Variants in SLC44A5 observed in about 807,000 individuals in gnomAD.
The protein encoded by SLC44A5 is choline transporter-like protein 5.
Under a neutral mutation model 101.8 loss-of-function variants are expected in SLC44A5, and 57 were observed. The ratio of observed to expected loss-of-function variants is 0.56; its 90% CI spans 0.45 to 0.70. SLC44A5 has a LOEUF of 0.70. Among genes scored for constraint, SLC44A5 ranks in the 30% least tolerant of loss-of-function variants. SLC44A5 has a pLI of 0.00. For missense variants in SLC44A5, 737 were observed against 853.1 expected, an observed-to-expected ratio of 0.86 and a Z score of 1.70; for synonymous variants, 281 against 290.9, an observed-to-expected ratio of 0.97 and a Z score of 0.35.
intron 1 of SLC44A5, among the ~76,000 whole-genome samples, chr1:75,608,416 G>C (rs1226287083): frequency 1.3e-5 from 2 of 151,618 alleles, no homozygotes; most frequent in Admixed American, 6.6e-5. Context: ...AAGAGTTATT[G>C]CAAAAGATTC....
At chr1:75,499,751 T>C (rs1340242332) in intron 2 of SLC44A5, among the ~76,000 whole-genome samples, 1 of 152,162 alleles carries the variant, frequency 6.6e-6, no homozygotes, top group Non-Finnish European at 1.5e-5. Context: ...GTGAACACAC[T>C]CAGTTCTTTG....
At chr1:75,584,656 G>A (rs1468670417) in intron 1 of SLC44A5, among the ~76,000 whole-genome samples, 1 of 152,094 alleles carries the variant, frequency 6.6e-6, no homozygotes, top group Admixed American at 6.6e-5. Flanking sequence ...GCAGTGGTGA[G>A]ATCTCAGTTC....
the SLC44A5 span, among the ~76,000 whole-genome samples, chr1:75,633,436 G>A: frequency 6.6e-6 from 1 of 152,122 alleles, no homozygotes; most frequent in Non-Finnish European, 1.5e-5. Flanking sequence ...GGTCCTTCAT[G>A]TCCCTTGTAA....
At chr1:75,424,507 G>A (rs1460800100) in intron 2 of SLC44A5, among the ~76,000 whole-genome samples, 9 of 152,074 alleles carry the variant, frequency 5.9e-5, no homozygotes, top group African/African-American at 1.7e-4. Flanking sequence ...GTTTCACCAC[G>A]TTGACCAGGC....
At chr1:75,452,453 A>G (rs1665958067) in intron 2 of SLC44A5, among the ~76,000 whole-genome samples, 1 of 152,202 alleles carries the variant, frequency 6.6e-6, no homozygotes. Flanking sequence ...CACACACTTA[A>G]GTACAGAGCC....
At chr1:75,712,142 G>C in the SLC44A5 span, among the ~76,000 whole-genome samples, 1 of 152,174 alleles carries the variant, frequency 6.6e-6, no homozygotes, top group African/African-American at 2.4e-5. Context: ...GTTTCTCTCT[G>C]TTTTCTGGCT....
chr1:75,709,705 T>C, the SLC44A5 span, among the ~76,000 whole-genome samples: 2 of 152,222 alleles, frequency 1.3e-5, no homozygotes, highest in African/African-American at 4.8e-5. Context: ...GTTTAAACAT[T>C]GTATCTTTTA....
chr1:75,401,942 G>A (rs1429649964), intron 2 of SLC44A5, among the ~76,000 whole-genome samples: 1 of 152,112 alleles, frequency 6.6e-6, no homozygotes, highest in Non-Finnish European at 1.5e-5. Flanking sequence ...AAAATGTAGT[G>A]GAGTTAGAGA....
chr1:75,206,548 C>A, intron 23 of SLC44A5: 1 of 1,149,782 alleles, frequency 8.7e-7, no homozygotes, highest in South Asian at 1.3e-5. Context: ...TTCCAAATTA[C>A]AATCAACCTA....
the SLC44A5 span, among the ~76,000 whole-genome samples, chr1:75,655,507 T>C: frequency 6.6e-6 from 1 of 152,138 alleles, no homozygotes; most frequent in Non-Finnish European, 1.5e-5. Flanking sequence ...GTAACTGTGG[T>C]CTTCATGCAA....
the SLC44A5 span, among the ~76,000 whole-genome samples, chr1:75,659,485 G>GAAGGAAGGAAGA: frequency 2.0e-4 from 14 of 69,698 alleles, no homozygotes; most frequent in East Asian, 1.7e-3. Context: ...AGGAAGGAAG[G>GAAGGAAGGAAGA]AAGGAAGGCA....
intron 2 of SLC44A5, among the ~76,000 whole-genome samples, chr1:75,507,886 T>A (rs1669357095): frequency 6.6e-6 from 1 of 152,134 alleles, no homozygotes; most frequent in Non-Finnish European, 1.5e-5. Context: ...AACAAGTACT[T>A]CTAGGCCTAC....
intron 2 of SLC44A5, among the ~76,000 whole-genome samples, chr1:75,423,974 G>A (rs1000048177): frequency 2.6e-5 from 4 of 152,292 alleles, no homozygotes; most frequent in South Asian, 2.1e-4. Flanking sequence ...CTATGCCTCC[G>A]GAGAATTTGA....
At chr1:75,574,387 G>A (rs1303137701) in intron 1 of SLC44A5, among the ~76,000 whole-genome samples, 1 of 152,188 alleles carries the variant, frequency 6.6e-6, no homozygotes, top group African/African-American at 2.4e-5. Context: ...ATCATTAACT[G>A]TCACTAAATT....
intron 3 of SLC44A5, among the ~76,000 whole-genome samples, chr1:75,373,184 G>T (rs1451895806): frequency 6.6e-6 from 1 of 152,250 alleles, no homozygotes; most frequent in East Asian, 1.9e-4. Context: ...AAACCAAAAT[G>T]TAGAGTAAAC....
chr1:75,214,095 T>G (rs1646914550), intron 20 of SLC44A5, 106 bp from the exon 21 acceptor site: 2 of 720,984 alleles, frequency 2.8e-6, no homozygotes, highest in African/African-American at 3.6e-5. Flanking sequence ...GTGTCTTTGC[T>G]GAAATTGTAT....
chr1:75,678,690 TA>T, the SLC44A5 span, among the ~76,000 whole-genome samples: 1 of 151,246 alleles, frequency 6.6e-6, no homozygotes, highest in Non-Finnish European at 1.5e-5. Flanking sequence ...CTGGAAACTC[TA>T]AAAATCAGAG....
At chr1:75,406,991 G>T (rs756699455) in intron 2 of SLC44A5, among the ~76,000 whole-genome samples, 6 of 152,076 alleles carry the variant, frequency 3.9e-5, no homozygotes, top group Non-Finnish European at 5.9e-5. Context: ...TCCTTAAGCT[G>T]ATAAGCAACT....
chr1:75,251,427 C>T, intron 6 of SLC44A5, 133 bp from the exon 7 acceptor site: 2 of 645,676 alleles, frequency 3.1e-6, no homozygotes, highest in Non-Finnish European at 5.3e-6. Context: ...TATATTCTCC[C>T]TCTCCCTTAG....
Sources: gnomAD v4.1 joint callset for allele counts (sites outside exome capture counted in the v4.1 genomes callset) on GRCh38, gnomAD v4.1.1 for gene constraint, MANE v1.5 for transcripts, NCBI Gene and HGNC (gene_info 2026-07-23, HGNC 2026-07-21) for gene names.